Variants in KCNIP3 observed in about 807,000 individuals in gnomAD.
KCNIP3 encodes the protein potassium voltage-gated channel interacting protein 3, also known as calsenilin.
In KCNIP3, 28 loss-of-function variants were observed where a neutral mutation model predicts 35.0. The observed-to-expected ratio is 0.80, with a 90% confidence interval of 0.59 to 1.10. The LOEUF is 1.10. Among genes scored for constraint, KCNIP3 ranks in the 50% least tolerant of loss-of-function variants. KCNIP3 has a pLI of 0.00. For synonymous variants in KCNIP3, 134 were observed against 133.8 expected (o/e 1.00, Z -0.01); for missense variants, 295 against 338.4 (o/e 0.87, Z 1.01).
chr2:95,332,691 T>C (rs1233785058), intron 2 of KCNIP3, among the ~76,000 whole-genome samples: 4 of 152,246 alleles, frequency 2.6e-5, no homozygotes, highest in Non-Finnish European at 4.4e-5. Flanking sequence ...GTACTAGTCA[T>C]ATGAGGCTAC....
At chr2:95,343,249 G>A (rs1037797530) in intron 2 of KCNIP3, among the ~76,000 whole-genome samples, 5 of 152,150 alleles carry the variant, frequency 3.3e-5, no homozygotes, top group East Asian at 1.9e-4. Context: ...GGGGAGACTT[G>A]GGAAGTGGCA....
intron 5 of KCNIP3, among the ~76,000 whole-genome samples, chr2:95,379,221 G>A (rs1467378207): frequency 2.0e-5 from 3 of 152,212 alleles, no homozygotes; most frequent in Non-Finnish European, 4.4e-5. Context: ...GGTTGGATAA[G>A]GCCTTGGTTT....
At chr2:95,328,912 T>C (rs541410953) in intron 2 of KCNIP3, among the ~76,000 whole-genome samples, 78 of 152,254 alleles carry the variant, frequency 5.1e-4, no homozygotes, top group African/African-American at 1.9e-3. Context: ...GGCTGCTGGC[T>C]GGGGCCAGGG....
Position 95,310,506 on chromosome 2 carries a change from C to G in KCNIP3, c.167C>G (p.Ala56Gly). ...CLVKWILSST[A>G]PQGSDSSDSE... Reference sequence around the variant, plus strand: ...GTCAAGTGGATCCTGTCCAGCACAGCCCCACAGGGCTCAGGTAGGGGCCAG... The same window carrying G: ...GTCAAGTGGATCCTGTCCAGCACAGGCCCACAGGGCTCAGGTAGGGGCCAG... The change falls in exon 2 of 9, where the codon GCC (alanine) becomes GGC (glycine). Residue 56 changes from alanine (A) to glycine (G), a missense_variant. Physicochemically the swap from Ala to Gly is moderately conservative, Grantham distance 60. Coordinates refer to ENST00000295225, the MANE Select transcript of KCNIP3 (RefSeq NM_013434.5). 1 of 1,613,616 alleles carries G rather than the reference C, an allele frequency of 6.2e-7. No homozygotes were observed. The highest frequency in any genetic ancestry group is 1.1e-5 in the South Asian group (1 of 90,998).
intron 2 of KCNIP3, among the ~76,000 whole-genome samples, chr2:95,354,037 G>A (rs561413275): frequency 3.1e-4 from 47 of 152,312 alleles, no homozygotes; most frequent in Middle Eastern, 6.8e-3. Context: ...TAAAAGCAGT[G>A]CTGGCCGAGG....
intron 2 of KCNIP3, among the ~76,000 whole-genome samples, chr2:95,358,530 A>G (rs1402684476): frequency 1.3e-5 from 2 of 152,230 alleles, no homozygotes; most frequent in Admixed American, 6.5e-5. Context: ...CCCCCTGGCT[A>G]TCAACGGTGT....
intron 2 of KCNIP3, among the ~76,000 whole-genome samples, chr2:95,373,959 G>T (rs554804586): frequency 1.3e-5 from 2 of 152,338 alleles, no homozygotes; most frequent in South Asian, 4.1e-4. Context: ...TGCCTGTCTT[G>T]CTGTCTTTCC....
Position 95,310,506 on chromosome 2 carries a change from C to A in KCNIP3, c.167C>A (p.Ala56Asp). The change falls in exon 2 of 9, where the codon GCC (alanine) becomes GAC (aspartate). Residue 56 changes from alanine to aspartate, a missense_variant. Physicochemically the swap from Ala to Asp is moderately radical, Grantham distance 126. Transcript: ENST00000295225. ...CLVKWILSST[A>D]PQGSDSSDSE... ...GTCAAGTGGATCCTGTCCAGCACAGCCCCACAGGGCTCAGGTAGGGGCCAG... is the reference window on the plus strand; with the variant it reads ...GTCAAGTGGATCCTGTCCAGCACAGACCCACAGGGCTCAGGTAGGGGCCAG... 6.2e-7 allele frequency: 1 copy of A among 1,613,616 alleles called. No homozygotes were observed. Among genetic ancestry groups the A allele is most frequent in the Non-Finnish European group, 8.5e-7 (1 of 1,179,866 alleles).
intron 2 of KCNIP3, among the ~76,000 whole-genome samples, chr2:95,347,623 A>C (rs893293316): frequency 5.3e-5 from 8 of 152,214 alleles, no homozygotes; most frequent in African/African-American, 1.9e-4. Context: ...CCAAACCCGC[A>C]GGCGCCACAT....
chr2:95,297,867 G>GT (rs1246273572), intron 1 of KCNIP3, among the ~76,000 whole-genome samples: 1 of 152,162 alleles, frequency 6.6e-6, no homozygotes, highest in East Asian at 1.9e-4. Flanking sequence ...CAGCCTTCAG[G>GT]TTTGGGGGAG....
intron 2 of KCNIP3, chr2:95,310,795 C>T (rs935849618): frequency 6.3e-6 from 3 of 477,216 alleles, no homozygotes; most frequent in Non-Finnish European, 1.2e-5. Context: ...GAAGACAGAG[C>T]CAGGCTGCAG....
At chr2:95,324,553 T>TAAATAAATAAATAAAA (rs1305988823) in intron 2 of KCNIP3, among the ~76,000 whole-genome samples, 24 of 151,096 alleles carry the variant, frequency 1.6e-4, no homozygotes, top group Non-Finnish European at 2.2e-4. Flanking sequence ...AATAAATAAA[T>TAAATAAATAAATAAAA]AAAAATAACG....
At chr2:95,323,042 C>T (rs1678636248) in intron 2 of KCNIP3, among the ~76,000 whole-genome samples, 1 of 152,226 alleles carries the variant, frequency 6.6e-6, no homozygotes, top group Non-Finnish European at 1.5e-5. Context: ...TGGCCTCCAC[C>T]CACCCAGCCT....
intron 2 of KCNIP3, among the ~76,000 whole-genome samples, chr2:95,360,842 C>T (rs888895287): frequency 6.6e-6 from 1 of 152,210 alleles, no homozygotes; most frequent in Non-Finnish European, 1.5e-5. Flanking sequence ...GGGTGGGGCC[C>T]TCATGGCCTG....
intron 2 of KCNIP3, among the ~76,000 whole-genome samples, chr2:95,319,021 C>T (rs1678526894): frequency 6.6e-6 from 1 of 152,224 alleles, no homozygotes; most frequent in African/African-American, 2.4e-5. Context: ...GGGGCTCATC[C>T]CCCAATCTTG....
intron 2 of KCNIP3, among the ~76,000 whole-genome samples, chr2:95,344,282 G>GA (rs1382099309): frequency 2.0e-5 from 3 of 149,992 alleles, no homozygotes; most frequent in Non-Finnish European, 4.5e-5. Flanking sequence ...GGTGGGGGGG[G>GA]GCACATGGGG....
At chr2:95,305,179 A>T (rs1678137972) in intron 1 of KCNIP3, among the ~76,000 whole-genome samples, 1 of 152,250 alleles carries the variant, frequency 6.6e-6, no homozygotes, top group African/African-American at 2.4e-5. Flanking sequence ...TGAGGCCGGC[A>T]TCGAGCAGGA....
chr2:95,318,821 T>G (rs1171890692), intron 2 of KCNIP3, among the ~76,000 whole-genome samples: 6 of 152,040 alleles, frequency 3.9e-5, no homozygotes, highest in Non-Finnish European at 8.8e-5. Context: ...GCTAAAGAAG[T>G]CAAGTGATTT....
intron 2 of KCNIP3, among the ~76,000 whole-genome samples, chr2:95,324,728 T>C (rs1049090102): frequency 9.9e-5 from 15 of 151,072 alleles, no homozygotes; most frequent in East Asian, 4.0e-4. Context: ...CTGGCCAATA[T>C]GGTGAAACCC....
Sources: allele counts gnomAD v4.1 joint callset (sites outside exome capture counted in the v4.1 genomes callset), GRCh38; gene constraint gnomAD v4.1.1; transcripts MANE v1.5; gene names NCBI Gene and HGNC (gene_info 2026-07-23, HGNC 2026-07-21).